Variants in PRDM16 observed in about 807,000 individuals in gnomAD.
PRDM16 encodes histone-lysine N-methyltransferase PRDM16.
PRDM16 carries 23 observed loss-of-function variants against 110.6 expected under a neutral mutation model. That is an observed-to-expected ratio of 0.21 (90% CI 0.15 to 0.29). The LOEUF (loss-of-function observed/expected upper bound fraction) is 0.29. Among genes scored for constraint, PRDM16 ranks in the 10% least tolerant of loss-of-function variants. The pLI is 1.00. For missense variants in PRDM16, 1,615 were observed against 1,794.3 expected, an observed-to-expected ratio of 0.90 and a Z score of 1.81; for synonymous variants, 799 against 781.8, an observed-to-expected ratio of 1.02 and a Z score of -0.37.
At position 3,143,167 on chromosome 1, in the gene PRDM16, G is replaced by C. The variant is rs562236180; in HGVS notation, c.38-42958G>C. ...CTTGTGGCAACCGCAGTGCTGGGCC[G>C]GGGGGAGTCGCTGGTTTGCAGCCCC... is the stretch of plus-strand genomic sequence containing the variant. On this transcript the variant is annotated intron_variant, in intron 1 of 16. Transcript: ENST00000270722. This position sits in a 1 kb window ranked among gnomAD's most constrained non-coding sequence, Gnocchi z 4.5. 6.6e-6 allele frequency among the ~76,000 whole-genome samples: 1 copy of C among 152,150 alleles called. No individual in the cohort carries two copies. Among genetic ancestry groups the C allele is most frequent in the Non-Finnish European group, 1.5e-5 (1 of 68,012 alleles).
At chr1:3,360,295 GT>G (rs1642689234) in intron 3 of PRDM16, among the ~76,000 whole-genome samples, 1 of 152,190 alleles carries the variant, frequency 6.6e-6, no homozygotes, top group Non-Finnish European at 1.5e-5. Context: ...GCTCTTTGTT[GT>G]TGGATGAACA....
intron 3 of PRDM16, among the ~76,000 whole-genome samples, chr1:3,354,725 A>G (rs951422598): frequency 2.0e-5 from 3 of 152,108 alleles, no homozygotes; most frequent in African/African-American, 7.2e-5. Flanking sequence ...TGCCAGCTCC[A>G]AGGCTACGAC....
Position 3,412,083 on chromosome 1 carries a change from T to C in PRDM16, c.1886T>C (p.Val629Ala). ...TGTGSDLDSD[V>A]DSDPDKDKGK... ...ACGGGCTCGGACCTGGACAGCGACG[T>C]GGACAGCGACCCTGACAAGGACAAG... The change falls in exon 9 of 17, where the codon GTG (valine) becomes GCG (alanine). Residue 629 changes from valine to alanine, a missense_variant. Physicochemically the swap from Val to Ala is moderately conservative, Grantham distance 64. Coordinates refer to ENST00000270722, the MANE Select transcript of PRDM16 (RefSeq NM_022114.4). The C allele has an allele frequency of 6.3e-7, 1 of 1,594,728 alleles. No individual in the cohort carries two copies. The highest frequency in any genetic ancestry group is 8.6e-7 in the Non-Finnish European group (1 of 1,168,556).
chr1:3,405,396 G>T, intron 7 of PRDM16, 99 bp from the exon 8 acceptor site: 1 of 1,359,788 alleles, frequency 7.4e-7, no homozygotes, highest in South Asian at 1.5e-5. Context: ...AGAGAGACAG[G>T]CAGGGCCCTG....
chr1:3,103,522 C>T (rs1642579316), intron 1 of PRDM16, among the ~76,000 whole-genome samples: 1 of 152,212 alleles, frequency 6.6e-6, no homozygotes, highest in African/African-American at 2.4e-5. Context: ...GCTCTTTGTT[C>T]CGGGTCTCTG....
intron 4 of PRDM16, among the ~76,000 whole-genome samples, chr1:3,392,905 G>GT (rs1248801034): frequency 2.6e-5 from 4 of 152,208 alleles, no homozygotes; most frequent in Non-Finnish European, 5.9e-5. Flanking sequence ...ATAAAAGGGG[G>GT]AGAAAATAGG....
chr1:3,274,656 G>A (rs951354711), intron 3 of PRDM16, among the ~76,000 whole-genome samples: 2 of 152,358 alleles, frequency 1.3e-5, no homozygotes, highest in African/African-American at 2.4e-5. Flanking sequence ...GGCTCCTGCC[G>A]GAGCGAGGCC....
At position 3,358,821 on chromosome 1, in the gene PRDM16, G is replaced by A. The variant is rs921338249; in HGVS notation, c.439-26331G>A. ...ACAGTGTGTGATGATTCCTGCCGGGGAGGAGGGAGCTCATTCCAAACTCAA... is the reference window on the plus strand; with the variant it reads ...ACAGTGTGTGATGATTCCTGCCGGGAAGGAGGGAGCTCATTCCAAACTCAA... On this transcript the variant is annotated intron_variant, in intron 3 of 16. Coordinates refer to ENST00000270722, the MANE Select transcript of PRDM16 (RefSeq NM_022114.4). The surrounding 1 kb of genome is among the most constrained non-coding windows in gnomAD (Gnocchi z 4.0). Among the ~76,000 whole-genome samples the A allele has an allele frequency of 2.0e-5, 3 of 152,208 alleles. No individual in the cohort carries two copies. The highest frequency in any genetic ancestry group is 1.3e-4 in the Admixed American group (2 of 15,278).
chr1:3,310,808 G>A (rs1348515410), intron 3 of PRDM16, among the ~76,000 whole-genome samples: 1 of 152,172 alleles, frequency 6.6e-6, no homozygotes, highest in Non-Finnish European at 1.5e-5. Context: ...GTGTGTATGT[G>A]TATGTGCATG....
At chr1:3,347,626 A>G (rs2483289) in intron 3 of PRDM16, among the ~76,000 whole-genome samples, 1 of 152,228 alleles carries the variant, frequency 6.6e-6, no homozygotes, top group Admixed American at 6.5e-5. Flanking sequence ...TTGGGAGTCC[A>G]TGACCCTGCC....
Position 3,111,299 on chromosome 1 carries a change from G to A in PRDM16, c.37+42003G>A, listed in dbSNP as rs149956057. Among the ~76,000 whole-genome samples the A allele has an allele frequency of 7.9e-3, 1,195 of 152,092 alleles. 6 individuals carry two copies. Among genetic ancestry groups the A allele is most frequent in the Middle Eastern group, 0.034 (10 of 294 alleles). Reference sequence around the variant, plus strand: ...GCCTTAGTGGGGTGCGGGCAGCACCGGCCTCTGTGTGATCCTGCACTGGGC... The same window carrying A: ...GCCTTAGTGGGGTGCGGGCAGCACCAGCCTCTGTGTGATCCTGCACTGGGC... On this transcript the variant is annotated intron_variant, in intron 1 of 16. Transcript: ENST00000270722.
intron 1 of PRDM16, among the ~76,000 whole-genome samples, chr1:3,104,774 G>A (rs570304271): frequency 1.4e-4 from 22 of 152,094 alleles, no homozygotes; most frequent in Non-Finnish European, 2.8e-4. Flanking sequence ...TTCCTGGGCC[G>A]TGGCCACCCC....
At chr1:3,130,846 G>A (rs1170268335) in intron 1 of PRDM16, among the ~76,000 whole-genome samples, 1 of 151,394 alleles carries the variant, frequency 6.6e-6, no homozygotes, top group African/African-American at 2.4e-5. Context: ...ACACGGTTCT[G>A]GGTTTCACAG....
chr1:3,293,385 C>T (rs1004093547), intron 3 of PRDM16, among the ~76,000 whole-genome samples: 36 of 152,176 alleles, frequency 2.4e-4, no homozygotes, highest in Middle Eastern at 3.2e-3. Flanking sequence ...CCGTGAATGC[C>T]GGCTTTGATG....
intron 1 of PRDM16, among the ~76,000 whole-genome samples, chr1:3,180,967 C>T (rs1365726245): frequency 7.1e-6 from 1 of 141,616 alleles, no homozygotes; most frequent in African/African-American, 2.7e-5. Flanking sequence ...GTCTTACACA[C>T]TCGGTCTTAC....
At chr1:3,400,905 T>TA (rs1394777682) in intron 5 of PRDM16, among the ~76,000 whole-genome samples, 1 of 152,106 alleles carries the variant, frequency 6.6e-6, no homozygotes, top group African/African-American at 2.4e-5. Context: ...GCCAGATACT[T>TA]ACCTCTGTCC....
chr1:3,331,930 A>T (rs750656754), intron 3 of PRDM16, among the ~76,000 whole-genome samples: 3 of 152,198 alleles, frequency 2.0e-5, no homozygotes, highest in Non-Finnish European at 4.4e-5. Context: ...AGGATGAGGG[A>T]GGGTCACCTC....
chr1:3,298,152 A>C (rs1230092320), intron 3 of PRDM16, among the ~76,000 whole-genome samples: 1 of 152,256 alleles, frequency 6.6e-6, no homozygotes, highest in African/African-American at 2.4e-5. Flanking sequence ...AATACGTGTA[A>C]GTGACAGCAT....
intron 1 of PRDM16, among the ~76,000 whole-genome samples, chr1:3,145,160 G>T (rs978548387): frequency 3.9e-5 from 6 of 152,212 alleles, no homozygotes; most frequent in African/African-American, 7.2e-5. Flanking sequence ...GGAGCCGTGT[G>T]CCTGGTGTCA....
Sources: gnomAD v4.1 joint callset for allele counts (sites outside exome capture counted in the v4.1 genomes callset) on GRCh38, gnomAD v4.1.1 for gene constraint, Gnocchi (gnomAD v3.1) non-coding constraint, MANE v1.5 for transcripts, NCBI Gene and HGNC (gene_info 2026-07-23, HGNC 2026-07-21) for gene names.